Variants in ELFN2 observed in about 807,000 individuals in gnomAD.
The protein encoded by ELFN2 is extracellular leucine rich repeat and fibronectin type III domain containing 2.
A neutral mutation model predicts 45.5 loss-of-function variants in ELFN2; 17 were observed. The observed-to-expected ratio is 0.37, with a 90% CI of 0.26 to 0.56. The LOEUF is 0.56. Among genes scored for constraint, ELFN2 ranks in the 20% least tolerant of loss-of-function variants. The pLI is 0.77. For synonymous variants in ELFN2, 550 were observed against 551.5 expected, an observed-to-expected ratio of 1.00 and a Z score of 0.04; for missense variants, 922 against 1,183.2, an observed-to-expected ratio of 0.78 and a Z score of 3.24.
In ELFN2 at chr22:37,373,739, G is replaced by A. The variant is rs753099065; in HGVS notation, c.1796C>T (p.Pro599Leu). 6 of 1,563,928 alleles carry A rather than the reference G, an allele frequency of 3.8e-6. No homozygotes were observed. The highest frequency in any genetic ancestry group is 5.2e-6 in the Non-Finnish European group (6 of 1,162,408). The change falls in exon 3 of 3, where the codon CCC becomes CTC. Residue 599 changes from proline (P) to leucine (L), a missense_variant. Pro to Leu is a moderately conservative substitution (Grantham distance 98). Around this residue, in one of 2 missense-constraint regions of ELFN2, gnomAD observed 564 missense variants for 642.8 expected, o/e 0.88. Transcript: ENST00000402918. ...SATGPGALER[P>L]SFLSPPYKES... ...CTTGTAGGGAGGCGAAAGGAAGCTGGGCCGCTCCAGGGCCCCGGGGCCAGT... is the reference window on the plus strand; with the variant it reads ...CTTGTAGGGAGGCGAAAGGAAGCTGAGCCGCTCCAGGGCCCCGGGGCCAGT...
chr22:37,420,584 T>G (rs1401433810), intron 1 of ELFN2: 4 of 152,604 alleles, frequency 2.6e-5, no homozygotes, highest in Non-Finnish European at 4.4e-5. Context: ...CCCGCTCCAA[T>G]TCCACTTCAT....
chr22:37,361,848 A>G (rs11089836), intron 1 of ELFN2, among the ~76,000 whole-genome samples: 116,720 of 152,126 alleles, frequency 0.77, 44,972 homozygotes, highest in South Asian at 0.82. Context: ...GTGGTGGCCT[A>G]TGGAAAGTCA....
chr22:37,366,750 G>A (rs1012832776), downstream of ELFN2, among the ~76,000 whole-genome samples: 4 of 152,234 alleles, frequency 2.6e-5, no homozygotes, highest in Non-Finnish European at 4.4e-5. Context: ...CCTCCCTCAC[G>A]AAGGAGGCCT....
chr22:37,347,700 C>G (rs1930731292), intron 1 of ELFN2, among the ~76,000 whole-genome samples: 1 of 151,904 alleles, frequency 6.6e-6, no homozygotes, highest in South Asian at 2.1e-4. Context: ...TGGCTGCAGT[C>G]TCTCATTATC....
chr22:37,419,753 C>T (rs1303528331), intron 1 of ELFN2, among the ~76,000 whole-genome samples: 2 of 152,216 alleles, frequency 1.3e-5, no homozygotes, highest in Non-Finnish European at 2.9e-5. Context: ...CAACACACCC[C>T]CAGCACAGCC....
intron 1 of ELFN2, among the ~76,000 whole-genome samples, chr22:37,422,947 G>GGC (rs1555925463): frequency 7.5e-6 from 1 of 132,580 alleles, no homozygotes; most frequent in African/African-American, 3.5e-5. Flanking sequence ...GGGCCTCGGG[G>GGC]GGGGGGGGGG....
chr22:37,378,601 C>G (rs1931650277), intron 2 of ELFN2, among the ~76,000 whole-genome samples: 1 of 152,256 alleles, frequency 6.6e-6, no homozygotes, highest in Non-Finnish European at 1.5e-5. Flanking sequence ...CTCTGCCCAC[C>G]TGAACCTCAA....
Position 37,375,493 on chromosome 22 carries a change from C to A in ELFN2, c.42G>T (p.Val14=), listed in dbSNP as rs1453652909. Residue 14 remains valine (V), a synonymous_variant, in exon 3 of 3, where the codon GTG becomes GTT. Transcript: ENST00000402918. ...LGLCAAALLC[V]CRPGAVRADC... Reference sequence around the variant, plus strand: ...CGGCACGCACGGCACCCGGCCGGCACACGCACAGCAGCGCCGCCGCGCACA... The same window carrying A: ...CGGCACGCACGGCACCCGGCCGGCAAACGCACAGCAGCGCCGCCGCGCACA... 6.3e-7 allele frequency: 1 copy of A among 1,587,608 alleles called. No individual in the cohort carries two copies.
intron 1 of ELFN2, among the ~76,000 whole-genome samples, chr22:37,348,733 C>G (rs1295908134): frequency 2.0e-5 from 3 of 150,806 alleles, no homozygotes; most frequent in African/African-American, 7.3e-5. Context: ...AATCTGTGTC[C>G]TATCTGAGGA....
chr22:37,362,902 G>A lies in ELFN2; in HGVS notation n.149-20199C>T, dbSNP rs1197689151. Among the ~76,000 whole-genome samples the A allele has an allele frequency of 3.3e-5, 5 of 152,294 alleles. No individual in the cohort carries two copies. The South Asian group carries it at 6.2e-4, about 19-fold the overall frequency. Reference sequence around the variant, plus strand: ...GAGAGCCTTGGAAGGAAGCAGTGAGGCAGAGAGATGCTTCTACCGCCATCG... The same window carrying A: ...GAGAGCCTTGGAAGGAAGCAGTGAGACAGAGAGATGCTTCTACCGCCATCG... On this transcript the variant is annotated intron_variant and non_coding_transcript_variant, in intron 1 of 2. Coordinates refer to ENST00000452946, the Ensembl canonical transcript of ELFN2.
At chr22:37,385,622 T>C (rs544448587) in intron 2 of ELFN2, among the ~76,000 whole-genome samples, 1 of 152,322 alleles carries the variant, frequency 6.6e-6, no homozygotes, top group African/African-American at 2.4e-5. Context: ...CTGGAGTTTA[T>C]GAGGCCAGCA....
At position 37,374,444 on chromosome 22, in the gene ELFN2, A is replaced by T. The variant is rs1931497813; in HGVS notation, c.1091T>A (p.Leu364Gln). ...HTEYTFCVTS[L>Q]RNSRRFNHTC... The stretch of plus-strand genomic sequence containing the variant: ...GTGGTTGAAGCGGCGGCTGTTGCGC[A>T]GCGAGGTCACGCAGAAGGTGTACTC... Residue 364 changes from leucine (L) to glutamine (Q), a missense_variant, in exon 3 of 3, where the codon CTG becomes CAG. Physicochemically the swap from Leu to Gln is moderately radical, Grantham distance 113 (BLOSUM62 -2). This residue lies in a region of ELFN2 where 358 missense variants were observed against 540.4 expected (regional missense o/e 0.66). Coordinates refer to ENST00000402918, the MANE Select transcript of ELFN2 (RefSeq NM_052906.5). 6.2e-7 allele frequency: 1 copy of T among 1,613,946 alleles called. No individual in the cohort carries two copies. The highest frequency in any genetic ancestry group is 1.7e-5 in the Admixed American group (1 of 60,014).
In ELFN2 at chr22:37,373,493, G is replaced by A. The variant is rs750281373; in HGVS notation, c.2042C>T (p.Pro681Leu). 33 of 1,543,326 alleles carry A rather than the reference G, an allele frequency of 2.1e-5. No homozygotes were observed. Among genetic ancestry groups the A allele is most frequent in the Admixed American group, 5.9e-5 (3 of 50,772 alleles). ...GCCGCTGCCCCCGCCGCTGCCCGCCGGCACCAGCGGGAGCCGGTCCAGCGG... is the reference window on the plus strand; with the variant it reads ...GCCGCTGCCCCCGCCGCTGCCCGCCAGCACCAGCGGGAGCCGGTCCAGCGG... ...NSPLDRLPLV[P>L]AGSGGGSGGG... The change falls in exon 3 of 3, where the codon CCG becomes CTG. Residue 681 changes from proline (P) to leucine (L), a missense_variant. Pro to Leu is a moderately conservative substitution (Grantham distance 98). Coordinates refer to ENST00000402918, the MANE Select transcript of ELFN2 (RefSeq NM_052906.5).
At chr22:37,381,444 A>G (rs1361493411) in intron 2 of ELFN2, among the ~76,000 whole-genome samples, 1 of 151,636 alleles carries the variant, frequency 6.6e-6, no homozygotes, top group African/African-American at 2.4e-5. Context: ...CACACTCCCC[A>G]CCCCAGGACC....
At chr22:37,365,118 C>G (rs1171352356), downstream of ELFN2, among the ~76,000 whole-genome samples, 1 of 152,072 alleles carries the variant, frequency 6.6e-6, no homozygotes, top group Non-Finnish European at 1.5e-5. Context: ...AGGAGGCCAG[C>G]CTCTGAGACA....
chr22:37,392,343 A>T, intron 2 of ELFN2, among the ~76,000 whole-genome samples: 1 of 141,454 alleles, frequency 7.1e-6, no homozygotes, highest in Non-Finnish European at 1.5e-5. Context: ...TTTGAGACAG[A>T]GTCTCACTCT....
intron 1 of ELFN2, among the ~76,000 whole-genome samples, chr22:37,345,016 G>C (rs575350200): frequency 6.6e-6 from 1 of 152,252 alleles, no homozygotes; most frequent in East Asian, 1.9e-4. Flanking sequence ...CCCCTGAGGG[G>C]CCACGCTCCC....
intron 2 of ELFN2, among the ~76,000 whole-genome samples, chr22:37,379,036 C>G (rs1931669965): frequency 6.6e-6 from 1 of 152,212 alleles, no homozygotes; most frequent in South Asian, 2.1e-4. Context: ...CCCACATACC[C>G]AGGTGGTGAG....
chr22:37,358,686 G>A (rs747414913), intron 1 of ELFN2, among the ~76,000 whole-genome samples: 3 of 152,204 alleles, frequency 2.0e-5, no homozygotes, highest in Non-Finnish European at 2.9e-5. Context: ...GGCATGAGTC[G>A]GTGATGGGCC....
Sources: allele counts gnomAD v4.1 joint callset (sites outside exome capture counted in the v4.1 genomes callset), GRCh38; gene constraint gnomAD v4.1.1; regional missense constraint gnomAD v4.1.1; transcripts MANE v1.5; gene names NCBI Gene and HGNC (gene_info 2026-07-23, HGNC 2026-07-21).